EVC: variants seen among roughly 807,000 people sequenced by gnomAD.
The protein encoded by EVC is EvC ciliary complex subunit 1.
A neutral mutation model predicts 118.9 loss-of-function variants in EVC; 116 were observed. The ratio of observed to expected loss-of-function variants is 0.98; its 90% CI spans 0.84 to 1.14. EVC has a LOEUF of 1.14. Among genes scored for constraint, EVC ranks in the 50% most tolerant of loss-of-function variants. The pLI is 0.00. For missense variants in EVC, 1,401 were observed against 1,246.4 expected (o/e 1.12, Z -1.87); for synonymous variants, 619 against 534.7 (o/e 1.16, Z -2.18).
the EVC span, chr4:5,825,834 C>T: frequency 1.6e-6 from 1 of 631,642 alleles, no homozygotes; most frequent in Non-Finnish European, 2.7e-6. The surrounding 1 kb of genome is among the most constrained non-coding windows in gnomAD (Gnocchi z 4.4). Context: ...TGCAGCCGCA[C>T]ACAGGCATTC....
chr4:5,797,562 T>TA (rs765664198), intron 14 of EVC, among the ~76,000 whole-genome samples: 6 of 152,180 alleles, frequency 3.9e-5, no homozygotes, highest in Admixed American at 2.6e-4. Context: ...TCCCATCTCT[T>TA]ATAAGGACAC....
intron 11 of EVC, among the ~76,000 whole-genome samples, chr4:5,772,103 A>G (rs1384771122): frequency 1.3e-5 from 2 of 151,984 alleles, no homozygotes; most frequent in Non-Finnish European, 2.9e-5. Context: ...TCACCGTGTT[A>G]GCCAGGATGG....
chr4:5,793,585 C>G, intron 12 of EVC, 23 bp from the exon 13 acceptor site: 1 of 1,542,284 alleles, frequency 6.5e-7, no homozygotes, highest in Non-Finnish European at 8.8e-7. Context: ...CATGCCTGCT[C>G]TGTCCCTCTG....
chr4:5,721,172 TG>T (rs1289303424), intron 2 of EVC, among the ~76,000 whole-genome samples: 1 of 152,218 alleles, frequency 6.6e-6, no homozygotes, highest in East Asian at 1.9e-4. Flanking sequence ...TACTAGAATC[TG>T]CTGACAGATG....
rs80297999 is a variant in EVC, at chr4:5,737,424, G to A, written c.702+3989G>A. Among the ~76,000 whole-genome samples, 303 of 152,348 alleles carry A rather than the reference G, an allele frequency of 2.0e-3. 1 individual carries two copies. The highest frequency in any genetic ancestry group is 6.8e-3 in the African/African-American group (282 of 41,582). ...CACTAAACAACAGATTTTCAATGCAGATGAAATAGCACAATATGGTCATGG... is the reference window on the plus strand; with the variant it reads ...CACTAAACAACAGATTTTCAATGCAAATGAAATAGCACAATATGGTCATGG... On this transcript the variant is annotated intron_variant, in intron 5 of 20. Transcript: ENST00000264956. The surrounding 1 kb of genome is among the most constrained non-coding windows in gnomAD (Gnocchi z 5.0).
chr4:5,767,053 C>T (rs112964140), intron 11 of EVC, among the ~76,000 whole-genome samples: 115,012 of 145,646 alleles, frequency 0.79, 45,585 homozygotes, highest in East Asian at 0.82. Flanking sequence ...TGGACTTTGA[C>T]GATGGTGATG....
chr4:5,736,013 A>G (rs1357426394), intron 5 of EVC, among the ~76,000 whole-genome samples: 1 of 152,122 alleles, frequency 6.6e-6, no homozygotes, highest in Non-Finnish European at 1.5e-5. Flanking sequence ...TTCAGACCAC[A>G]TGAGACCCTC....
At chr4:5,764,588 T>G (rs1264417277) in intron 11 of EVC, among the ~76,000 whole-genome samples, 2 of 150,538 alleles carry the variant, frequency 1.3e-5, no homozygotes, top group South Asian at 4.3e-4. Context: ...GCTCCTGTTA[T>G]TGGTCTATTC....
intron 5 of EVC, among the ~76,000 whole-genome samples, chr4:5,740,617 C>T (rs1194690408): frequency 6.6e-6 from 1 of 152,018 alleles, no homozygotes; most frequent in African/African-American, 2.4e-5. Context: ...AAAACTTTTG[C>T]TTTGCAAAAG....
At chr4:5,791,170 T>C (rs73200197) in intron 12 of EVC, among the ~76,000 whole-genome samples, 10,592 of 152,192 alleles carry the variant, frequency 0.07, 550 homozygotes, top group South Asian at 0.13. Context: ...GCAGATTAAA[T>C]TGTGGCTAAA....
In EVC at chr4:5,742,534, A is replaced by G. The variant is rs1728758937; in HGVS notation, c.801+720A>G. Among the ~76,000 whole-genome samples the G allele has an allele frequency of 6.6e-6, 1 of 152,096 alleles. No individual in the cohort carries two copies. The highest frequency in any genetic ancestry group is 6.6e-5 in the Admixed American group (1 of 15,254). ...TGTTGTCATCACCATAAACACCATC[A>G]TCTTTGCTATTGTCACCACTGACAT... On this transcript the variant is annotated intron_variant, in intron 6 of 20. Coordinates refer to ENST00000264956, the MANE Select transcript of EVC (RefSeq NM_153717.3). The surrounding 1 kb of genome is among the most constrained non-coding windows in gnomAD (Gnocchi z 5.2).
rs1731077164 is a variant in EVC at position 5,755,804 on chromosome 4, C to A, written c.1465-460C>A. Among the ~76,000 whole-genome samples the A allele has an allele frequency of 6.6e-6, 1 of 152,194 alleles. No homozygotes were observed. The highest frequency in any genetic ancestry group is 2.1e-4 in the South Asian group (1 of 4,834). On this transcript the variant is annotated intron_variant, in intron 10 of 20. Transcript: ENST00000264956. This position sits in a 1 kb window ranked among gnomAD's most constrained non-coding sequence, Gnocchi z 4.1. ...GCTGATGCCCGGGTTAGCCCAGTCT[C>A]CTGCTGCTCTGCTGGGGTCCTCAGG...
rs572448712 is a variant in EVC at position 5,737,398 on chromosome 4, G to A, written c.702+3963G>A. On this transcript the variant is annotated intron_variant, in intron 5 of 20. Transcript: ENST00000264956. This position sits in a 1 kb window ranked among gnomAD's most constrained non-coding sequence, Gnocchi z 5.0. ...GCTAAGACCATTGAGCAAGGTGGCT[G>A]CACTAAACAACAGATTTTCAATGCA... 6.6e-6 allele frequency among the ~76,000 whole-genome samples: 1 copy of A among 152,362 alleles called. No homozygotes were observed. Among genetic ancestry groups the A allele is most frequent in the East Asian group, 1.9e-4 (1 of 5,188 alleles).
rs186188539 is a variant in EVC, at chr4:5,741,446, G to C, written c.703-270G>C. 3.1e-3 allele frequency among the ~76,000 whole-genome samples: 477 copies of C among 152,320 alleles called. 4 individuals carry two copies. Among genetic ancestry groups the C allele is most frequent in the African/African-American group, 0.011 (462 of 41,578 alleles). ...ATGTGGAGGGCCTTGCACAGAGTAA[G>C]CACTCAATATTTGTTGAATACATGC... On this transcript the variant is annotated intron_variant, in intron 5 of 20. Transcript: ENST00000264956.
In EVC at chr4:5,753,945, C is replaced by G. The variant is rs753296851; in HGVS notation, c.1464+12C>G. 1 of 1,612,620 alleles carries G rather than the reference C, an allele frequency of 6.2e-7. No individual in the cohort carries two copies. The highest frequency in any genetic ancestry group is 2.2e-5 in the East Asian group (1 of 44,890). ...AAAAGTTTCTCGAGGTGACTCACATCCCCAGCCTCTGCACATGTGGGTGAG... is the reference window on the plus strand; with the variant it reads ...AAAAGTTTCTCGAGGTGACTCACATGCCCAGCCTCTGCACATGTGGGTGAG... On this transcript the variant is annotated intron_variant, in intron 10 of 20. Coordinates refer to ENST00000264956, the MANE Select transcript of EVC (RefSeq NM_153717.3).
Position 5,756,471 on chromosome 4 carries a change from G to A in EVC, c.1563+109G>A, listed in dbSNP as rs1472122278. 8 of 857,074 alleles carry A rather than the reference G, an allele frequency of 9.3e-6. No homozygotes were observed. The highest frequency in any genetic ancestry group is 5.3e-5 in the East Asian group (2 of 37,680). The allele number at this position is 857,074 out of a possible 1,614,324, so 53.1% of individuals were successfully genotyped here. On this transcript the variant is annotated intron_variant, in intron 11 of 20. Transcript: ENST00000264956. This position sits in a 1 kb window ranked among gnomAD's most constrained non-coding sequence, Gnocchi z 4.2. ...CCAGAGGTGGTTCAGGTCCAACCCC[G>A]CACTCATTGGCCGGTGATCCACGCA... is the stretch of plus-strand genomic sequence containing the variant.
At position 5,731,327 on chromosome 4, in the gene EVC, T is replaced by G; in HGVS notation, c.385-98T>G. The G allele has an allele frequency of 9.4e-7, 1 of 1,065,768 alleles. No individual in the cohort carries two copies. The highest frequency in any genetic ancestry group is 1.5e-6 in the Non-Finnish European group (1 of 681,080). 66.0% of individuals were successfully genotyped at this position (1,065,768 alleles called of 1,614,324 possible). ...CCAGTCTCCTCCAGGCAGACCTTCC[T>G]GTGAGCGGCTAGCGTGAATCACTGG... is the stretch of plus-strand genomic sequence containing the variant. On this transcript the variant is annotated intron_variant, in intron 3 of 20. Coordinates refer to ENST00000264956, the MANE Select transcript of EVC (RefSeq NM_153717.3). The surrounding 1 kb of genome is among the most constrained non-coding windows in gnomAD (Gnocchi z 5.6).
intron 11 of EVC, among the ~76,000 whole-genome samples, chr4:5,763,491 C>T (rs1732394283): frequency 6.8e-6 from 1 of 147,184 alleles, no homozygotes; most frequent in Non-Finnish European, 1.5e-5. Flanking sequence ...TTACCTTGGG[C>T]AGTATGGCCA....
chr4:5,731,138 G>A lies in EVC; in HGVS notation c.385-287G>A, dbSNP rs1372777918. 6.6e-6 allele frequency among the ~76,000 whole-genome samples: 1 copy of A among 151,998 alleles called. No homozygotes were observed. The highest frequency in any genetic ancestry group is 1.5e-5 in the Non-Finnish European group (1 of 68,004). On this transcript the variant is annotated intron_variant, in intron 3 of 20. Transcript: ENST00000264956. The surrounding 1 kb of genome is among the most constrained non-coding windows in gnomAD (Gnocchi z 5.6). ...CAGAGTTGGCAGCTGGGAGGAGGGT[G>A]CGCTGGGTGTCCGGGGCACAGATCC... is the stretch of plus-strand genomic sequence containing the variant.
Sources: gnomAD v4.1 joint callset for allele counts (sites outside exome capture counted in the v4.1 genomes callset) on GRCh38, gnomAD v4.1.1 for gene constraint, Gnocchi (gnomAD v3.1) non-coding constraint, MANE v1.5 for transcripts, NCBI Gene and HGNC (gene_info 2026-07-23, HGNC 2026-07-21) for gene names.